The following ZNF618 variants were observed in gnomAD, a reference collection of about 807,000 sequenced individuals.
The protein encoded by ZNF618 is zinc finger protein 618.
In ZNF618, 34 loss-of-function variants were observed where a neutral mutation model predicts 103.0. That is an observed-to-expected ratio of 0.33 (90% CI 0.25 to 0.44). The LOEUF (loss-of-function observed/expected upper bound fraction) is 0.44, where lower values mean the gene tolerates loss of function less well. Ranked by LOEUF, ZNF618 falls within the 20% of genes least tolerant of loss-of-function variation. ZNF618 has a pLI of 1.00. For missense variants in ZNF618, 1,059 were observed against 1,295.4 expected (o/e 0.82, Z 2.80); for synonymous variants, 551 against 542.2 (o/e 1.02, Z -0.23).
At chr9:113,992,285 G>A (rs1840145329) in intron 3 of ZNF618, among the ~76,000 whole-genome samples, 1 of 152,184 alleles carries the variant, frequency 6.6e-6, no homozygotes, top group Non-Finnish European at 1.5e-5. Flanking sequence ...TAGAGGGGCA[G>A]ACAAGGCCTG....
chr9:114,005,578 G>A (rs545713039), intron 6 of ZNF618, among the ~76,000 whole-genome samples: 7 of 152,310 alleles, frequency 4.6e-5, no homozygotes, highest in African/African-American at 7.2e-5. Flanking sequence ...GGCAGATGGC[G>A]GGTAGCAGTG....
intron 2 of ZNF618, among the ~76,000 whole-genome samples, chr9:113,981,149 T>G (rs941094167): frequency 2.6e-5 from 4 of 152,172 alleles, no homozygotes; most frequent in African/African-American, 9.7e-5. Flanking sequence ...TTCACCTTCA[T>G]TCCTAAGGAG....
At chr9:113,898,574 G>T (rs1446279255) in intron 1 of ZNF618, among the ~76,000 whole-genome samples, 1 of 151,332 alleles carries the variant, frequency 6.6e-6, no homozygotes, top group Admixed American at 6.6e-5. Context: ...CTACAGGTGT[G>T]CACCACCATG....
chr9:113,912,608 G>A (rs1168750042), intron 1 of ZNF618, among the ~76,000 whole-genome samples: 49 of 152,194 alleles, frequency 3.2e-4, no homozygotes, highest in Admixed American at 3.2e-3. Context: ...CTCTGCTGGT[G>A]TCAGTAAATT....
rs760063608 is a variant in ZNF618 at position 114,049,517 on chromosome 9, C to G, written c.2215C>G (p.Leu739Val). ...CCTGCTCAGCAACCTGGCGGCCATC[C>G]TGACGCCGGTGAAGCAGGCAGTCAT... ...KHLLSNLAAI[L>V]TPVKQAVIEL... Residue 739 changes from leucine (L) to valine (V), a missense_variant, in exon 15 of 15, where the codon CTG becomes GTG. Physicochemically the swap from Leu to Val is conservative, Grantham distance 32 (BLOSUM62 1). This residue lies in a region of ZNF618 where 272 missense variants were observed against 380.1 expected (regional missense o/e 0.72). Coordinates refer to ENST00000374126, the MANE Select transcript of ZNF618 (RefSeq NM_001318042.2). 6.2e-7 allele frequency: 1 copy of G among 1,613,662 alleles called. No homozygotes were observed. The highest frequency in any genetic ancestry group is 1.7e-5 in the Admixed American group (1 of 59,966).
chr9:114,043,536 T>C (rs80297543), intron 13 of ZNF618, among the ~76,000 whole-genome samples: 11 of 152,314 alleles, frequency 7.2e-5, no homozygotes, highest in Admixed American at 1.3e-4. Flanking sequence ...AGGATCTGAA[T>C]AGACATTTCT....
At chr9:113,914,795 A>G (rs1452229437) in intron 1 of ZNF618, among the ~76,000 whole-genome samples, 2 of 152,178 alleles carry the variant, frequency 1.3e-5, no homozygotes, top group East Asian at 1.9e-4. Flanking sequence ...TCTGGCCACA[A>G]TAGTTGCTCA....
intron 13 of ZNF618, among the ~76,000 whole-genome samples, chr9:114,046,903 A>G (rs1444031583): frequency 2.6e-5 from 4 of 152,208 alleles, no homozygotes; most frequent in African/African-American, 9.6e-5. Flanking sequence ...ATGGTATGGA[A>G]TCCTTTATCT....
chr9:113,888,544 G>A (rs1455574251), intron 1 of ZNF618, among the ~76,000 whole-genome samples: 1 of 152,290 alleles, frequency 6.6e-6, no homozygotes, highest in Non-Finnish European at 1.5e-5. Flanking sequence ...CCAGACAGAT[G>A]TAAGGTATGC....
At chr9:113,978,834 G>A (rs1460510105) in intron 2 of ZNF618, among the ~76,000 whole-genome samples, 1 of 152,122 alleles carries the variant, frequency 6.6e-6, no homozygotes, top group Non-Finnish European at 1.5e-5. Flanking sequence ...TCCCATATCA[G>A]GCATTGCACA....
intron 10 of ZNF618, among the ~76,000 whole-genome samples, chr9:114,019,892 G>A (rs1486531981): frequency 6.6e-6 from 1 of 151,926 alleles, no homozygotes; most frequent in African/African-American, 2.4e-5. Flanking sequence ...GTGCTTTTTG[G>A]GTTCTACCTC....
At chr9:113,935,091 C>A (rs377524960) in intron 1 of ZNF618, among the ~76,000 whole-genome samples, 2 of 152,214 alleles carry the variant, frequency 1.3e-5, no homozygotes, top group Non-Finnish European at 2.9e-5. Flanking sequence ...AGAGGGACCT[C>A]AGTGGCCTGG....
chr9:114,020,514 A>T (rs1842979958), intron 10 of ZNF618, among the ~76,000 whole-genome samples: 3 of 152,122 alleles, frequency 2.0e-5, no homozygotes. Flanking sequence ...TACTTTTCAG[A>T]GAAGTCTTGC....
rs1846360596 is a variant in ZNF618 at position 114,054,822 on chromosome 9, C to T, written c.*4655C>T. ...TTTGAGGATTGTGGTCGGGGGAGCC[C>T]TGGCTTTCACCAAAGGAGCCCAGTG... On this transcript the variant is annotated 3_prime_UTR_variant, in exon 15 of 15. Coordinates refer to ENST00000374126, the MANE Select transcript of ZNF618 (RefSeq NM_001318042.2). 6.6e-6 allele frequency: 1 copy of T among 152,450 alleles called. No homozygotes were observed. Among genetic ancestry groups the T allele is most frequent in the Non-Finnish European group, 1.5e-5 (1 of 68,060 alleles). The allele number at this position is 152,450 out of a possible 1,614,324, so 9.4% of individuals were successfully genotyped here. A position where few individuals can be genotyped will look rare whatever the true frequency, so the allele number is the denominator to read the frequency against.
chr9:113,997,911 G>A (rs1396679430), intron 3 of ZNF618, among the ~76,000 whole-genome samples: 1 of 152,248 alleles, frequency 6.6e-6, no homozygotes, highest in South Asian at 2.1e-4. Context: ...CACAGGCCAG[G>A]GGGATGCATG....
At chr9:113,924,418 CTT>C (rs1564176508) in intron 1 of ZNF618, among the ~76,000 whole-genome samples, 28 of 138,292 alleles carry the variant, frequency 2.0e-4, no homozygotes, top group Non-Finnish European at 3.1e-5. Context: ...TCTTCTTCTT[CTT>C]CTTCTTTTTT....
At chr9:113,910,394 C>T (rs1021043975) in intron 1 of ZNF618, among the ~76,000 whole-genome samples, 1 of 152,214 alleles carries the variant, frequency 6.6e-6, no homozygotes, top group South Asian at 2.1e-4. Flanking sequence ...CCACTTAGCT[C>T]GAGCCAGCTG....
At chr9:114,022,624 C>T (rs1186709866) in intron 10 of ZNF618, among the ~76,000 whole-genome samples, 1 of 97,734 alleles carries the variant, frequency 1.0e-5, no homozygotes, top group South Asian at 3.5e-4. Context: ...AAAAAAAAGG[C>T]ATCTCGTATT....
At chr9:114,047,801 C>T in intron 13 of ZNF618, 92 bp from the exon 14 acceptor site, 1 of 1,094,672 alleles carries the variant, frequency 9.1e-7, no homozygotes, top group Non-Finnish European at 1.3e-6. Context: ...TGGCCACATT[C>T]TGCTGTTACC....
Sources: gnomAD v4.1 joint callset for allele counts (sites outside exome capture counted in the v4.1 genomes callset) on GRCh38, gnomAD v4.1.1 for gene constraint, gnomAD v4.1.1 regional missense constraint, MANE v1.5 for transcripts, NCBI Gene and HGNC (gene_info 2026-07-23, HGNC 2026-07-21) for gene names.